METTL6: variants seen among roughly 807,000 people sequenced by gnomAD.
The protein encoded by METTL6 is tRNA N(3)-cytidine methyltransferase METTL6.
Under a neutral mutation model 26.4 loss-of-function variants are expected in METTL6, and 22 were observed. The ratio of observed to expected loss-of-function variants is 0.83; its 90% CI spans 0.59 to 1.19. METTL6 has a LOEUF of 1.19. METTL6 is among the 50% of genes most tolerant of loss of function. METTL6 has a pLI of 0.00. For synonymous variants in METTL6, 109 were observed against 116.2 expected (o/e 0.94, Z 0.40); for missense variants, 304 against 324.8 (o/e 0.94, Z 0.49).
chr3:15,425,184 C>T (rs111301725), intron 2 of METTL6, 95 bp from the exon 3 acceptor site: 1 of 1,331,622 alleles, frequency 7.5e-7, no homozygotes, highest in Non-Finnish European at 1.0e-6. Context: ...GGTCTCCGAC[C>T]CCATGGAGCA....
At chr3:15,426,242 A>G (rs2061719440) in intron 2 of METTL6, 45 bp downstream of exon 2, 1 of 1,574,958 alleles carries the variant, frequency 6.3e-7, no homozygotes, top group Middle Eastern at 1.8e-4. Flanking sequence ...CCCTCTTCAC[A>G]TTTTAAATGA....
rs765830397 is a variant in METTL6, at chr3:15,410,094, CTT to C, written c.*1160_*1161del. ...GGCTAAATTATGTTATTCTATAAAA[CTT>C]TGACTACTTTTCAGGCCTTGAAATT... is the stretch of plus-strand genomic sequence containing the variant. On this transcript the variant is annotated 3_prime_UTR_variant, in exon 6 of 6. Coordinates refer to ENST00000383790, the MANE Select transcript of METTL6 (RefSeq NM_152396.4). 2.4e-4 allele frequency among the ~76,000 whole-genome samples: 36 copies of C among 152,112 alleles called. 3 individuals carry two copies. Among genetic ancestry groups the C allele is most frequent in the Admixed American group, 1.2e-3 (18 of 15,270 alleles).
rs1482372389 is a variant in METTL6 at position 15,412,274 on chromosome 3, T to C, written c.674-837A>G. Among the ~76,000 whole-genome samples, 10 of 152,052 alleles carry C rather than the reference T, an allele frequency of 6.6e-5. 1 individual carries two copies. Among genetic ancestry groups the C allele is most frequent in the Admixed American group, 6.6e-4 (10 of 15,256 alleles). Reference sequence around the variant, plus strand: ...CTCCAGGAAAATCTAACCCAAATAATACATCACTACACATTAAATGAAACA... The same window carrying C: ...CTCCAGGAAAATCTAACCCAAATAACACATCACTACACATTAAATGAAACA... On this transcript the variant is annotated intron_variant, in intron 5 of 5. Transcript: ENST00000383790.
At chr3:15,402,940 C>T (rs1275596856) in intron 6 of METTL6, among the ~76,000 whole-genome samples, 1 of 152,088 alleles carries the variant, frequency 6.6e-6, no homozygotes, top group Admixed American at 6.6e-5. Flanking sequence ...GAGCTGTTAT[C>T]ATCATTTCAA....
intron 6 of METTL6, among the ~76,000 whole-genome samples, chr3:15,394,562 CT>C (rs1479513914): frequency 6.6e-6 from 1 of 151,760 alleles, no homozygotes; most frequent in Non-Finnish European, 1.5e-5. Flanking sequence ...TTTGCTCTTG[CT>C]TCTCTAGTTC....
intron 6 of METTL6, among the ~76,000 whole-genome samples, chr3:15,393,501 C>G (rs1223095382): frequency 2.0e-5 from 3 of 152,156 alleles, no homozygotes; most frequent in Non-Finnish European, 4.4e-5. Context: ...TTTCTCCTGC[C>G]TGATTTCCCT....
intron 3 of METTL6, among the ~76,000 whole-genome samples, chr3:15,422,860 G>C (rs1349788530): frequency 6.6e-6 from 1 of 152,046 alleles, no homozygotes; most frequent in East Asian, 1.9e-4. Flanking sequence ...CCTCATGACA[G>C]GATGTAATAT....
chr3:15,421,042 A>G (rs1027806573), intron 3 of METTL6, among the ~76,000 whole-genome samples: 2 of 152,220 alleles, frequency 1.3e-5, no homozygotes, highest in African/African-American at 4.8e-5. Flanking sequence ...TCCTGTACTT[A>G]GTCACTGGAA....
intron 6 of METTL6, among the ~76,000 whole-genome samples, chr3:15,394,682 A>G (rs1315031191): frequency 1.3e-5 from 2 of 152,162 alleles, no homozygotes; most frequent in African/African-American, 4.8e-5. Context: ...TGTCCCAGAG[A>G]TTCTGGTATG....
Position 15,411,367 on chromosome 3 carries a change from C to T in METTL6, c.744G>A (p.Thr248=), listed in dbSNP as rs1364202933. The change falls in exon 6 of 6, where the codon ACG becomes ACA. Residue 248 remains threonine (T), a synonymous_variant. Coordinates refer to ENST00000383790, the MANE Select transcript of METTL6 (RefSeq NM_152396.4). ...CACACAGGCCTTCTTTTTTATTCAC[C>T]GTCTCTCGAAACACATACTCGTTTA... ...EVVNEYVFRE[T]VNKKEGLCVP... The T allele has an allele frequency of 2.7e-5, 43 of 1,614,042 alleles. No individual in the cohort carries two copies. The highest frequency in any genetic ancestry group is 1.6e-4 in the Middle Eastern group (1 of 6,084).
chr3:15,419,707 C>T (rs1208392556), intron 3 of METTL6, among the ~76,000 whole-genome samples: 2 of 152,132 alleles, frequency 1.3e-5, no homozygotes, highest in Non-Finnish European at 2.9e-5. Flanking sequence ...GCATGCTCTT[C>T]TTCCAAGGAA....
intron 6 of METTL6, among the ~76,000 whole-genome samples, chr3:15,401,022 C>A (rs943444299): frequency 5.9e-5 from 9 of 151,958 alleles, no homozygotes; most frequent in African/African-American, 2.2e-4. Context: ...ACCACCACAC[C>A]CAGATCAGTT....
chr3:15,417,919 G>A (rs967126804), intron 3 of METTL6, among the ~76,000 whole-genome samples: 5 of 152,162 alleles, frequency 3.3e-5, no homozygotes, highest in African/African-American at 1.2e-4. Context: ...GCAGCTGGGA[G>A]AGCCACAACA....
At chr3:15,412,669 T>C (rs1700022600) in intron 5 of METTL6, among the ~76,000 whole-genome samples, 2 of 151,880 alleles carry the variant, frequency 1.3e-5, no homozygotes, top group African/African-American at 4.8e-5. Context: ...TTTTTTTATT[T>C]TTAGTAGAGA....
intron 4 of METTL6, chr3:15,415,445 C>G: frequency 6.6e-7 from 1 of 1,517,398 alleles, no homozygotes; most frequent in Admixed American, 1.9e-5. Flanking sequence ...GCATGAAACA[C>G]CACACCTGGC....
At chr3:15,386,989 G>A (rs1271121162) in intron 6 of METTL6, among the ~76,000 whole-genome samples, 1 of 151,956 alleles carries the variant, frequency 6.6e-6, no homozygotes, top group Non-Finnish European at 1.5e-5. Context: ...ATGGGGGGTG[G>A]TTCTCACCAT....
chr3:15,382,691 T>C (rs1256555205), exon 7 of METTL6: 2 of 143,162 alleles, frequency 1.4e-5, no homozygotes, highest in African/African-American at 2.6e-5. Flanking sequence ...AAAGACAGAC[T>C]AAGCATGTGT....
downstream of METTL6, among the ~76,000 whole-genome samples, chr3:15,408,360 T>C (rs1425804228): frequency 6.6e-6 from 1 of 152,112 alleles, no homozygotes; most frequent in Non-Finnish European, 1.5e-5. Context: ...GTTCAAAAAA[T>C]GAGGACTGAG....
In METTL6 at chr3:15,411,439, T is replaced by C. The variant is rs1319593501; in HGVS notation, c.674-2A>G. The C allele has an allele frequency of 1.9e-6, 3 of 1,612,608 alleles. No homozygotes were observed. The highest frequency in any genetic ancestry group is 2.5e-6 in the Non-Finnish European group (3 of 1,179,436). ...CCATAAAGAGCTGAGCCAGGAAGTC[T>C]GTAAGACAAGCATCAACAATGCTCA... On this transcript the variant is annotated splice_acceptor_variant, in intron 5 of 5. Transcript: ENST00000383790. LOFTEE classifies it high-confidence loss of function.
Sources: allele counts gnomAD v4.1 joint callset (sites outside exome capture counted in the v4.1 genomes callset), GRCh38; gene constraint gnomAD v4.1.1; transcripts MANE v1.5; gene names NCBI Gene and HGNC (gene_info 2026-07-23, HGNC 2026-07-21).